LRP4: variants seen among roughly 807,000 people sequenced by gnomAD.
LRP4 encodes the protein LDL receptor related protein 4.
LRP4 carries 95 observed loss-of-function variants against 220.3 expected under a neutral mutation model. The observed-to-expected ratio is 0.43, with a 90% CI of 0.37 to 0.51. The LOEUF (loss-of-function observed/expected upper bound fraction) is 0.51, where lower values mean the gene tolerates loss of function less well. Among genes scored for constraint, LRP4 ranks in the 20% least tolerant of loss-of-function variants. The pLI, the probability that LRP4 is intolerant of heterozygous loss-of-function variation, is 0.00. For missense variants in LRP4, 1,925 were observed against 2,567.0 expected, an observed-to-expected ratio of 0.75 and a Z score of 5.40; for synonymous variants, 903 against 954.6, an observed-to-expected ratio of 0.95 and a Z score of 1.00.
At chr11:46,859,442 T>TG in intron 37 of LRP4, 127 bp from the exon 38 acceptor site, 1 of 738,620 alleles carries the variant, frequency 1.4e-6, no homozygotes, top group South Asian at 1.4e-5. Flanking sequence ...CACAAACAAA[T>TG]GGGGAAATGT....
intron 2 of LRP4, among the ~76,000 whole-genome samples, chr11:46,901,635 T>C (rs1592548004): frequency 1.3e-5 from 2 of 152,170 alleles, no homozygotes; most frequent in South Asian, 4.1e-4. Context: ...ATCCAGACTA[T>C]TGGCTTAGCA....
chr11:46,885,793 G>C (rs6485704), intron 18 of LRP4, among the ~76,000 whole-genome samples: 132,743 of 139,744 alleles, frequency 0.95, 63,556 homozygotes, highest in East Asian at 1. Flanking sequence ...AAAAAAAAAG[G>C]CTGATTTACC....
At chr11:46,906,442 C>A (rs556090162) in intron 1 of LRP4, among the ~76,000 whole-genome samples, 163 of 149,312 alleles carry the variant, frequency 1.1e-3, no homozygotes, top group Non-Finnish European at 2.1e-3. Context: ...GGCAACACAG[C>A]GAGACTCTGT....
At chr11:46,874,199 A>G (rs1369474843) in intron 28 of LRP4, 1 of 164,758 alleles carries the variant, frequency 6.1e-6, no homozygotes, top group East Asian at 1.7e-4. Context: ...ACTTCCCTAA[A>G]CTGTATATGC....
chr11:46,912,073 C>T (rs977630331), intron 1 of LRP4, among the ~76,000 whole-genome samples: 1 of 152,070 alleles, frequency 6.6e-6, no homozygotes, highest in Admixed American at 6.5e-5. Flanking sequence ...AGGTTGGTCT[C>T]GAACTCCTGA....
intron 1 of LRP4, among the ~76,000 whole-genome samples, chr11:46,915,707 C>A (rs1256452076): frequency 6.6e-6 from 1 of 152,160 alleles, no homozygotes; most frequent in Non-Finnish European, 1.5e-5. Context: ...CTGTGCCTGG[C>A]TAATTTTTGT....
chr11:46,901,690 G>T (rs920981242), intron 2 of LRP4, among the ~76,000 whole-genome samples: 1 of 152,090 alleles, frequency 6.6e-6, no homozygotes, highest in Admixed American at 6.5e-5. Flanking sequence ...GGCCAACTGT[G>T]CAGATGTTAC....
chr11:46,889,904 C>T, intron 15 of LRP4, 40 bp downstream of exon 15: 1 of 1,613,088 alleles, frequency 6.2e-7, no homozygotes, highest in Non-Finnish European at 8.5e-7. Context: ...CCACCTCAAC[C>T]ATGAGGCTAC....
At chr11:46,912,621 G>A (rs920555025) in intron 1 of LRP4, among the ~76,000 whole-genome samples, 15 of 152,214 alleles carry the variant, frequency 9.9e-5, no homozygotes, top group African/African-American at 3.4e-4. Flanking sequence ...CCATGCCAGC[G>A]CGTGGTTGCA....
At chr11:46,882,035 G>T in intron 19 of LRP4, 132 bp from the exon 20 acceptor site, 1 of 809,504 alleles carries the variant, frequency 1.2e-6, no homozygotes, top group Non-Finnish European at 2.1e-6. Context: ...TCAGTGTCCA[G>T]CCCAGCTCTG....
intron 32 of LRP4, 65 bp from the exon 33 acceptor site, chr11:46,868,778 CA>C: frequency 7.3e-7 from 1 of 1,367,138 alleles, no homozygotes; most frequent in South Asian, 1.2e-5. Context: ...TAAGGCTTCT[CA>C]AAAACAGAGG....
intron 1 of LRP4, among the ~76,000 whole-genome samples, chr11:46,915,282 A>G (rs1436048424): frequency 1.3e-5 from 2 of 152,212 alleles, no homozygotes; most frequent in African/African-American, 2.4e-5. Context: ...ACAACCTTCT[A>G]TCTACCCAAG....
chr11:46,867,343 A>T (rs746940121), intron 34 of LRP4, among the ~76,000 whole-genome samples: 4 of 152,234 alleles, frequency 2.6e-5, no homozygotes, highest in African/African-American at 7.2e-5. Flanking sequence ...ACAAGCCAAT[A>T]TGCCAAACCT....
At chr11:46,903,062 G>T in intron 1 of LRP4, 133 bp from the exon 2 acceptor site, 1 of 1,075,940 alleles carries the variant, frequency 9.3e-7, no homozygotes, top group Non-Finnish European at 1.4e-6. Flanking sequence ...CAAGGGAGAT[G>T]CAGGCAGTAA....
chr11:46,907,918 A>G (rs192786903), intron 1 of LRP4, among the ~76,000 whole-genome samples: 1 of 152,294 alleles, frequency 6.6e-6, no homozygotes, highest in East Asian at 1.9e-4. Context: ...ACACAGCAAA[A>G]GCTTCATAAT....
chr11:46,862,242 G>C (rs1266442254), intron 37 of LRP4, among the ~76,000 whole-genome samples: 1 of 152,142 alleles, frequency 6.6e-6, no homozygotes, highest in Non-Finnish European at 1.5e-5. Flanking sequence ...TTTTTTGGGT[G>C]TTGTCTGGGA....
chr11:46,915,147 A>G (rs958221739), intron 1 of LRP4, among the ~76,000 whole-genome samples: 1 of 152,228 alleles, frequency 6.6e-6, no homozygotes, highest in Non-Finnish European at 1.5e-5. Context: ...CAAGCCAAGT[A>G]TGTTTCACAA....
chr11:46,896,167 G>A (rs923484710), intron 9 of LRP4, 43 bp downstream of exon 9: 41 of 1,611,334 alleles, frequency 2.5e-5, no homozygotes, highest in South Asian at 6.6e-5. Context: ...GGTGGGGTTC[G>A]GCCACAAACC....
rs749711573 is a variant in LRP4, at chr11:46,875,791, A to G, written c.3699+13T>C. 33 of 1,613,908 alleles carry G rather than the reference A, an allele frequency of 2.0e-5. No individual in the cohort carries two copies. The highest frequency in any genetic ancestry group is 2.4e-5 in the Non-Finnish European group (28 of 1,180,016). On this transcript the variant is annotated intron_variant, in intron 26 of 37. Coordinates refer to ENST00000378623, the MANE Select transcript of LRP4 (RefSeq NM_002334.4). The surrounding 1 kb of genome is among the most constrained non-coding windows in gnomAD (Gnocchi z 4.5). ...CCCAGGCTCCTGGGAAGCAGCAGGG[A>G]CACGGCTCTCACCTCGGTGTGGGCA...
Sources: allele counts gnomAD v4.1 joint callset (sites outside exome capture counted in the v4.1 genomes callset), GRCh38; gene constraint gnomAD v4.1.1; non-coding constraint Gnocchi (gnomAD v3.1); transcripts MANE v1.5; gene names NCBI Gene and HGNC (gene_info 2026-07-23, HGNC 2026-07-21).